The following PEBP4 variants were observed in gnomAD, a reference collection of about 807,000 sequenced individuals.
PEBP4 encodes the protein phosphatidylethanolamine-binding protein 4.
In PEBP4, 22 loss-of-function variants were observed where a neutral mutation model predicts 23.9. The observed-to-expected ratio is 0.92, with a 90% CI of 0.66 to 1.31. PEBP4 has a LOEUF of 1.31. Ranked by LOEUF, PEBP4 falls within the 40% of genes most tolerant of loss-of-function variation. PEBP4 has a pLI of 0.00. For missense variants in PEBP4, 324 were observed against 281.7 expected, an observed-to-expected ratio of 1.15 and a Z score of -1.07; for synonymous variants, 112 against 99.3, an observed-to-expected ratio of 1.13 and a Z score of -0.76.
chr8:22,728,318 T>G (rs1055166715), intron 4 of PEBP4, among the ~76,000 whole-genome samples: 9 of 152,082 alleles, frequency 5.9e-5, no homozygotes, highest in Non-Finnish European at 1.0e-4. Context: ...GACTGCAGCT[T>G]GTCTATTATT....
intron 4 of PEBP4, among the ~76,000 whole-genome samples, chr8:22,784,197 C>T (rs1805983699): frequency 6.6e-6 from 1 of 152,172 alleles, no homozygotes; most frequent in Non-Finnish European, 1.5e-5. Flanking sequence ...ACCAGCACCC[C>T]TGCAACCTGC....
At chr8:22,902,365 A>G (rs1000935522) in intron 3 of PEBP4, among the ~76,000 whole-genome samples, 9 of 152,088 alleles carry the variant, frequency 5.9e-5, no homozygotes, top group Non-Finnish European at 1.3e-4. Flanking sequence ...AAATTTTAAA[A>G]TCCTACGTCC....
intron 3 of PEBP4, chr8:22,880,655 C>G (rs1212965139): frequency 6.5e-6 from 1 of 152,800 alleles, no homozygotes; most frequent in African/African-American, 2.4e-5. Context: ...GCCCTCCTCT[C>G]CGCCAGGTGC....
intron 4 of PEBP4, among the ~76,000 whole-genome samples, chr8:22,794,268 T>C (rs968732348): frequency 1.3e-5 from 2 of 151,060 alleles, no homozygotes; most frequent in Admixed American, 6.7e-5. Flanking sequence ...TCTTACTTCT[T>C]TCAACAACCC....
chr8:22,892,240 C>T (rs542502709), intron 3 of PEBP4, among the ~76,000 whole-genome samples: 5 of 152,260 alleles, frequency 3.3e-5, no homozygotes, highest in East Asian at 1.9e-4. Flanking sequence ...TTAAATGACA[C>T]GTATGGATTG....
intron 3 of PEBP4, among the ~76,000 whole-genome samples, chr8:22,837,619 A>G (rs1298543584): frequency 6.6e-6 from 1 of 152,068 alleles, no homozygotes; most frequent in Non-Finnish European, 1.5e-5. Context: ...CAGACGGAGG[A>G]TGTTTCTGAT....
chr8:22,894,356 C>G (rs1808552927), intron 3 of PEBP4, among the ~76,000 whole-genome samples: 1 of 152,076 alleles, frequency 6.6e-6, no homozygotes, highest in South Asian at 2.1e-4. Flanking sequence ...TGGATGGCTT[C>G]AGCCCAGGAG....
chr8:22,731,689 C>T (rs372833384), intron 4 of PEBP4, among the ~76,000 whole-genome samples: 10 of 151,788 alleles, frequency 6.6e-5, no homozygotes, highest in East Asian at 3.9e-4. Context: ...GACGGAGTCT[C>T]GCTCTGTCGC....
chr8:22,734,123 G>A (rs1166441394), intron 4 of PEBP4, among the ~76,000 whole-genome samples: 2 of 152,232 alleles, frequency 1.3e-5, no homozygotes, highest in East Asian at 1.9e-4. Flanking sequence ...ACTGGAAAGC[G>A]CTACCCAGCA....
At chr8:22,862,318 A>G (rs1807793519) in intron 3 of PEBP4, among the ~76,000 whole-genome samples, 1 of 152,140 alleles carries the variant, frequency 6.6e-6, no homozygotes, top group Admixed American at 6.5e-5. Flanking sequence ...AGCCTAGCCA[A>G]TTACCTACAG....
chr8:22,731,641 TTATC>T (rs201193655), intron 4 of PEBP4, among the ~76,000 whole-genome samples: 10,641 of 105,714 alleles, frequency 0.1, 569 homozygotes, highest in African/African-American at 0.21. Context: ...ATTTATTTAT[TTATC>T]TATCTATCTA....
intron 2 of PEBP4, among the ~76,000 whole-genome samples, chr8:22,927,239 G>A (rs1809359856): frequency 6.6e-6 from 1 of 152,006 alleles, no homozygotes; most frequent in Non-Finnish European, 1.5e-5. Context: ...GGGCATTCAG[G>A]CTGCAGGGAG....
intron 3 of PEBP4, among the ~76,000 whole-genome samples, chr8:22,907,521 AAAAAAGAGAG>A (rs1808841872): frequency 6.6e-6 from 1 of 152,106 alleles, no homozygotes; most frequent in African/African-American, 2.4e-5. Flanking sequence ...CAAAAGACAG[AAAAAAGAGAG>A]AAAAAGAGAG....
chr8:22,874,640 T>C (rs1374240615), intron 3 of PEBP4, among the ~76,000 whole-genome samples: 1 of 152,174 alleles, frequency 6.6e-6, no homozygotes, highest in African/African-American at 2.4e-5. Flanking sequence ...TTATTATTAT[T>C]ATTTTAAAAA....
intron 4 of PEBP4, among the ~76,000 whole-genome samples, chr8:22,767,878 T>C (rs1805641068): frequency 6.6e-6 from 1 of 152,144 alleles, no homozygotes; most frequent in Non-Finnish European, 1.5e-5. Context: ...TATCTGGGAT[T>C]ACAGGCGCTG....
At chr8:22,883,561 A>G (rs1470967103) in intron 3 of PEBP4, among the ~76,000 whole-genome samples, 1 of 151,596 alleles carries the variant, frequency 6.6e-6, no homozygotes, top group Non-Finnish European at 1.5e-5. Context: ...AGTTCCTTCG[A>G]CAGAAAAATT....
intron 3 of PEBP4, among the ~76,000 whole-genome samples, chr8:22,869,824 C>T (rs1444317174): frequency 1.3e-5 from 2 of 152,186 alleles, no homozygotes; most frequent in South Asian, 2.1e-4. Flanking sequence ...TGATATGTCA[C>T]TAGTGAATTG....
At chr8:22,926,142 AT>A (rs937798378) in intron 2 of PEBP4, among the ~76,000 whole-genome samples, 1 of 148,370 alleles carries the variant, frequency 6.7e-6, no homozygotes, top group South Asian at 2.2e-4. Context: ...TGCCCGGCTA[AT>A]TTTTTTTTAT....
In PEBP4 at chr8:22,902,201, C is replaced by T. The variant is rs559447540; in HGVS notation, c.258+17983G>A. On this transcript the variant is annotated intron_variant, in intron 3 of 6. Transcript: ENST00000256404. The stretch of plus-strand genomic sequence containing the variant: ...AAAATTAGCCGGGCTTGGTGGTGCA[C>T]GCCTGTAATCCCAGCTACTTAGGAG... 5.3e-5 allele frequency among the ~76,000 whole-genome samples: 8 copies of T among 151,788 alleles called. No individual in the cohort carries two copies. The South Asian group carries it at 6.3e-4, about 12-fold the overall frequency.
Sources: gnomAD v4.1 joint callset for allele counts (sites outside exome capture counted in the v4.1 genomes callset) on GRCh38, gnomAD v4.1.1 for gene constraint, MANE v1.5 for transcripts, NCBI Gene and HGNC (gene_info 2026-07-23, HGNC 2026-07-21) for gene names.